KIF6: variants seen among roughly 807,000 people sequenced by gnomAD.
KIF6 encodes kinesin-like protein KIF6.
Under a neutral mutation model 112.7 loss-of-function variants are expected in KIF6, and 106 were observed. That is an observed-to-expected ratio of 0.94 (90% confidence interval 0.80 to 1.11). The LOEUF is 1.11. KIF6 is among the 50% of genes least tolerant of loss of function. The pLI, the probability that KIF6 is intolerant of heterozygous loss-of-function variation, is 0.00. For synonymous variants in KIF6, 339 were observed against 339.9 expected (o/e 1.00, Z 0.03); for missense variants, 929 against 964.0 (o/e 0.96, Z 0.48).
intron 13 of KIF6, among the ~76,000 whole-genome samples, chr6:39,462,360 A>C (rs1773530457): frequency 1.3e-5 from 2 of 152,342 alleles, no homozygotes; most frequent in South Asian, 4.1e-4. Context: ...AACTCATATG[A>C]AGATGCAAAG....
At chr6:39,706,546 A>G (rs1789222306) in intron 3 of KIF6, among the ~76,000 whole-genome samples, 1 of 152,232 alleles carries the variant, frequency 6.6e-6, no homozygotes, top group Non-Finnish European at 1.5e-5. Context: ...TTGAAAATGT[A>G]ATTTTAAAAT....
chr6:39,364,266 G>A (rs930397873), intron 16 of KIF6, among the ~76,000 whole-genome samples: 1 of 151,944 alleles, frequency 6.6e-6, no homozygotes, highest in Non-Finnish European at 1.5e-5. Context: ...GTGGTATGGT[G>A]CACACCACCA....
intron 13 of KIF6, among the ~76,000 whole-genome samples, chr6:39,510,678 C>T (rs940254170): frequency 1.3e-5 from 2 of 152,000 alleles, no homozygotes; most frequent in African/African-American, 4.8e-5. Flanking sequence ...ATGGCAGGAT[C>T]AAATTCACAT....
chr6:39,661,603 A>G (rs550876310), intron 3 of KIF6, among the ~76,000 whole-genome samples: 3 of 152,322 alleles, frequency 2.0e-5, no homozygotes, highest in Non-Finnish European at 4.4e-5. Context: ...AGGAAATAAA[A>G]ATCAAACATC....
chr6:39,336,487 T>G lies in KIF6; in HGVS notation c.*45A>C, dbSNP rs772417796. On this transcript the variant is annotated 3_prime_UTR_variant, in exon 23 of 23. Coordinates refer to ENST00000287152, the MANE Select transcript of KIF6 (RefSeq NM_145027.6). ...TGAGGGGCGCTGCCTTCATCTGTGC[T>G]TCATTCTTGCTGGCATAATTCATGG... 1 of 1,602,724 alleles carries G rather than the reference T, an allele frequency of 6.2e-7. No individual in the cohort carries two copies. The highest frequency in any genetic ancestry group is 8.5e-7 in the Non-Finnish European group (1 of 1,169,636).
chr6:39,612,170 C>A (rs910400413), intron 6 of KIF6, among the ~76,000 whole-genome samples: 3 of 152,158 alleles, frequency 2.0e-5, no homozygotes, highest in Non-Finnish European at 4.4e-5. Flanking sequence ...TATCTTGCGT[C>A]TAAGGCAGGG....
At chr6:39,668,837 C>A (rs1786636436) in intron 3 of KIF6, among the ~76,000 whole-genome samples, 1 of 151,770 alleles carries the variant, frequency 6.6e-6, no homozygotes, top group Non-Finnish European at 1.5e-5. Context: ...TATGTGAATA[C>A]ATATTTAGGC....
At chr6:39,428,964 C>G (rs1770952456) in intron 14 of KIF6, among the ~76,000 whole-genome samples, 1 of 152,110 alleles carries the variant, frequency 6.6e-6, no homozygotes, top group Admixed American at 6.5e-5. Context: ...GGAGTATGTC[C>G]CCTTATAAAC....
In KIF6 at chr6:39,349,631, C is replaced by CTTTTTTTTTTTTTTTTTTTTT. The variant is rs58810898; in HGVS notation, c.2181-3126_2181-3106dup. Among the ~76,000 whole-genome samples, 31 of 64,562 alleles carry CTTTTTTTTTTTTTTTTTTTTT rather than the reference C, an allele frequency of 4.8e-4. 2 individuals carry two copies. The highest frequency in any genetic ancestry group is 7.3e-4 in the Non-Finnish European group (26 of 35,714). The allele number at this position is 64,562 out of a possible 152,430, so 42.4% of individuals were successfully genotyped here. On this transcript the variant is annotated intron_variant, in intron 19 of 22. Transcript: ENST00000287152. ...GAAGGTCTAGGTTTAATTTGTGGCT[C>CTTTTTTTTTTTTTTTTTTTTT]TTTTTTTTTTTTTTTTTTTTTTTTT...
Position 39,496,529 on chromosome 6 carries a change from C to T in KIF6, c.1645+43474G>A, listed in dbSNP as rs988660769. ...CCCCTACACTGTTATTCTCCCTGCT[C>T]ATCCTCACTGGAGGGAATAAAGTTT... On this transcript the variant is annotated intron_variant, in intron 13 of 22. Transcript: ENST00000287152. Among the ~76,000 whole-genome samples, 3 of 152,116 alleles carry T rather than the reference C, an allele frequency of 2.0e-5. No homozygotes were observed. The East Asian group carries it at 5.8e-4, about 29-fold the overall frequency.
At chr6:39,496,046 T>A (rs140836488) in intron 13 of KIF6, among the ~76,000 whole-genome samples, 3 of 152,210 alleles carry the variant, frequency 2.0e-5, no homozygotes, top group African/African-American at 7.2e-5. Context: ...CCTATCCCAA[T>A]CATTTCTTCA....
intron 5 of KIF6, among the ~76,000 whole-genome samples, chr6:39,625,881 TGA>T (rs749463224): frequency 1.6e-4 from 24 of 151,896 alleles, no homozygotes; most frequent in Non-Finnish European, 2.8e-4. Flanking sequence ...AGAAAAAGGG[TGA>T]GAGGCAGGAA....
At chr6:39,428,909 C>T (rs1237302874) in intron 14 of KIF6, among the ~76,000 whole-genome samples, 1 of 152,220 alleles carries the variant, frequency 6.6e-6, no homozygotes, top group Non-Finnish European at 1.5e-5. Context: ...AGCATGTTTC[C>T]AACTCTCCTT....
rs1554195987 is a variant in KIF6, at chr6:39,342,630, T to TAG, written c.2428+1078_2428+1079insCT. ...TTTTTTATTTTTTTTTATTTTTTTTTATTTTTAGACAAGGAAACTGAGAAT... is the reference window on the plus strand; with the variant it reads ...TTTTTTATTTTTTTTTATTTTTTTTTAGATTTTTAGACAAGGAAACTGAGAAT... On this transcript the variant is annotated intron_variant, in intron 22 of 22. Coordinates refer to ENST00000287152, the MANE Select transcript of KIF6 (RefSeq NM_145027.6). This position sits in a 1 kb window ranked among gnomAD's most constrained non-coding sequence, Gnocchi z 4.7. 9.6e-6 allele frequency among the ~76,000 whole-genome samples: 1 copy of TAG among 104,144 alleles called. No homozygotes were observed. The highest frequency in any genetic ancestry group is 5.0e-5 in the African/African-American group (1 of 19,974). 68.3% of individuals were successfully genotyped at this position (104,144 alleles called of 152,430 possible).
Position 39,333,678 on chromosome 6 carries a change from A to G in KIF6, c.*2854T>C, listed in dbSNP as rs1050933974. On this transcript the variant is annotated 3_prime_UTR_variant, in exon 23 of 23. Coordinates refer to ENST00000287152, the MANE Select transcript of KIF6 (RefSeq NM_145027.6). ...AGAATTAAAATGATGTATTCAGTAT[A>G]CCACAATTTCTCTATCTGCTTTCTA... The G allele has an allele frequency of 1.3e-5, 2 of 152,216 alleles. No individual in the cohort carries two copies. Among genetic ancestry groups the G allele is most frequent in the African/African-American group, 4.8e-5 (2 of 41,464 alleles). 9.4% of individuals were successfully genotyped at this position (152,216 alleles called of 1,614,324 possible). A position where few individuals can be genotyped will look rare whatever the true frequency, so the allele number is the denominator to read the frequency against.
chr6:39,624,710 CAG>C (rs1326441221), intron 5 of KIF6, among the ~76,000 whole-genome samples: 1 of 152,170 alleles, frequency 6.6e-6, no homozygotes, highest in Non-Finnish European at 1.5e-5. Context: ...ATTGAGGTGA[CAG>C]TGTTTTTCCT....
At chr6:39,626,693 C>CA (rs1255560762) in intron 5 of KIF6, among the ~76,000 whole-genome samples, 1 of 152,074 alleles carries the variant, frequency 6.6e-6, no homozygotes, top group Non-Finnish European at 1.5e-5. Flanking sequence ...CCTGGTATTT[C>CA]AAAAAACAAC....
At chr6:39,559,054 C>A (rs993832807) in intron 10 of KIF6, among the ~76,000 whole-genome samples, 6 of 152,194 alleles carry the variant, frequency 3.9e-5, no homozygotes, top group Admixed American at 2.6e-4. Context: ...GTGTCAGGAC[C>A]AAAAACACTT....
intron 22 of KIF6, among the ~76,000 whole-genome samples, chr6:39,337,160 TTTCTTTCCTTCC>T (rs1162404675): frequency 0.022 from 1,378 of 63,942 alleles, 91 homozygotes; most frequent in African/African-American, 0.061. Context: ...CTTTCTTTTC[TTTCTTTCCTTCC>T]TTCTTTCTTT....
Sources: gnomAD v4.1 joint callset for allele counts (sites outside exome capture counted in the v4.1 genomes callset) on GRCh38, gnomAD v4.1.1 for gene constraint, Gnocchi (gnomAD v3.1) non-coding constraint, MANE v1.5 for transcripts, NCBI Gene and HGNC (gene_info 2026-07-23, HGNC 2026-07-21) for gene names.